The following TACC2 variants were observed in gnomAD, a reference collection of about 807,000 sequenced individuals.
TACC2 encodes transforming acidic coiled-coil-containing protein 2.
A neutral mutation model predicts 227.3 loss-of-function variants in TACC2; 137 were observed. The observed-to-expected ratio is 0.60, with a 90% CI of 0.52 to 0.69. TACC2 has a LOEUF of 0.69. Among genes scored for constraint, TACC2 ranks in the 30% least tolerant of loss-of-function variants. The pLI is 0.00. For missense variants in TACC2, 3,470 were observed against 3,694.4 expected (o/e 0.94, Z 1.57); for synonymous variants, 1,523 against 1,487.5 (o/e 1.02, Z -0.55).
At chr10:122,126,751 T>G (rs1050923719) in intron 5 of TACC2, 1 of 152,110 alleles carries the variant, frequency 6.6e-6, no homozygotes, top group African/African-American at 2.4e-5. Flanking sequence ...TTGAAGCACT[T>G]TGCTTGATTC....
At chr10:122,102,352 A>G (rs760302004) in intron 5 of TACC2, among the ~76,000 whole-genome samples, 1 of 152,124 alleles carries the variant, frequency 6.6e-6, no homozygotes, top group South Asian at 2.1e-4. Context: ...GATCAAACCA[A>G]CTCGGCTCTC....
chr10:122,190,719 CAT>C (rs1266573803), intron 7 of TACC2, among the ~76,000 whole-genome samples: 1 of 152,094 alleles, frequency 6.6e-6, no homozygotes, highest in African/African-American at 2.4e-5. Context: ...TGTGATGACT[CAT>C]GGGTGCATCT....
At chr10:122,234,420 C>A (rs939177286) in intron 16 of TACC2, among the ~76,000 whole-genome samples, 4 of 152,160 alleles carry the variant, frequency 2.6e-5, no homozygotes, top group Admixed American at 2.6e-4. Flanking sequence ...TTTTTTGGCC[C>A]CTCTAAAGTA....
rs780955004 is a variant in TACC2 at position 122,210,479 on chromosome 10, C to A, written c.6054C>A (p.His2018Gln). Residue 2018 changes from histidine to glutamine, a missense_variant, in exon 9 of 23, where the codon CAC (histidine) becomes CAA (glutamine). His to Gln is a conservative substitution (Grantham distance 24). This residue lies in a region of TACC2 where 593 missense variants were observed against 636.6 expected (regional missense o/e 0.93). Transcript: ENST00000369005. The surrounding 1 kb of genome is among the most constrained non-coding windows in gnomAD (Gnocchi z 4.6). Reference sequence around the variant, plus strand: ...GAAGTCCCTTCCGTCCCCCGTCACACTCCTTCTCTGCCGTCTTCGATGAAG... The same window carrying A: ...GAAGTCCCTTCCGTCCCCCGTCACAATCCTTCTCTGCCGTCTTCGATGAAG... ...VEGSPFRPPS[H>Q]SFSAVFDEDK... is the part of the protein sequence containing the mutation. 10 of 1,614,130 alleles carry A rather than the reference C, an allele frequency of 6.2e-6. No homozygotes were observed. The East Asian group carries it at 1.1e-4, about 18-fold the overall frequency.
At chr10:122,121,679 A>G (rs1288579090) in intron 5 of TACC2, among the ~76,000 whole-genome samples, 1 of 148,470 alleles carries the variant, frequency 6.7e-6, no homozygotes, top group Non-Finnish European at 1.5e-5. Context: ...GCAAAGCATC[A>G]CATTGTATCA....
chr10:122,248,901 C>A, intron 20 of TACC2, 98 bp downstream of exon 20: 1 of 1,552,280 alleles, frequency 6.4e-7, no homozygotes, highest in South Asian at 1.2e-5. Context: ...TGGTCTTGAG[C>A]CACCTGCGAG....
In TACC2 at chr10:122,056,132, G is replaced by C. The variant is rs185168061; in HGVS notation, c.146+5582G>C. Among the ~76,000 whole-genome samples the C allele has an allele frequency of 1.8e-4, 28 of 152,356 alleles. 1 individual carries two copies. Among genetic ancestry groups the C allele is most frequent in the East Asian group, 7.7e-4 (4 of 5,186 alleles). On this transcript the variant is annotated intron_variant, in intron 3 of 22. Transcript: ENST00000369005. ...TCTAGGCTTCGCCTCTGGGGAGTCT[G>C]ATGCAGCAGGTTTGTGGTGAGGCCT... is the stretch of plus-strand genomic sequence containing the variant.
chr10:122,014,633 G>C (rs1262032274), intron 1 of TACC2, among the ~76,000 whole-genome samples: 1 of 152,194 alleles, frequency 6.6e-6, no homozygotes, highest in Non-Finnish European at 1.5e-5. Flanking sequence ...TCTTCCACCT[G>C]CTCTGCCCAC....
chr10:122,084,788 G>A lies in TACC2; in HGVS notation c.2288G>A (p.Arg763His), dbSNP rs767385508. The A allele has an allele frequency of 1.5e-5, 24 of 1,613,480 alleles. 1 individual carries two copies. Among genetic ancestry groups the A allele is most frequent in the Admixed American group, 8.3e-5 (5 of 60,012 alleles). The part of the protein sequence containing the change: ...EGLLTSPDQP[R>H]GPACDASRQE... The stretch of plus-strand genomic sequence containing the variant: ...TTGCTGACGTCCCCAGATCAACCCC[G>A]CGGGCCGGCGTGTGATGCGTCGAGA... The change falls in exon 4 of 23, where the codon CGC becomes CAC. Residue 763 changes from arginine (R) to histidine (H), a missense_variant. Arg to His is a conservative substitution (Grantham distance 29). Coordinates refer to ENST00000369005, the MANE Select transcript of TACC2 (RefSeq NM_206862.4).
At chr10:122,220,421 A>G (rs1319422160) in intron 11 of TACC2, among the ~76,000 whole-genome samples, 1 of 152,230 alleles carries the variant, frequency 6.6e-6, no homozygotes, top group Non-Finnish European at 1.5e-5. Flanking sequence ...TAAAAAATCC[A>G]TTAATGTGAA....
intron 22 of TACC2, among the ~76,000 whole-genome samples, chr10:122,253,216 A>G (rs1404348610): frequency 6.6e-6 from 1 of 152,214 alleles, no homozygotes; most frequent in East Asian, 1.9e-4. Context: ...AGTATGCTGG[A>G]GGGATCCAGC....
At chr10:122,000,378 C>CA (rs200908665) in intron 1 of TACC2, among the ~76,000 whole-genome samples, 26 of 151,308 alleles carry the variant, frequency 1.7e-4, no homozygotes, top group African/African-American at 5.8e-4. Flanking sequence ...GGCTCTGTCT[C>CA]AAAAAAAAGA....
chr10:122,211,290 A>G lies in TACC2; in HGVS notation c.6865A>G (p.Ile2289Val), dbSNP rs921705233. The G allele has an allele frequency of 4.3e-6, 7 of 1,614,018 alleles. No individual in the cohort carries two copies. In the African/African-American group the frequency reaches 8.0e-5, roughly 18 times the overall value. Residue 2289 changes from isoleucine (I) to valine (V), a missense_variant, in exon 9 of 23, where the codon ATA becomes GTA. By Grantham distance (29) the Ile-to-Val change is conservative (BLOSUM62 3). Transcript: ENST00000369005. ...QQENPPPTKK[I>V]GKKPVAKMPL... ...GGAAAACCCCCCTCCTACCAAAAAG[A>G]TAGGCAAAAAGCCAGTTGCCAAAAT...
At chr10:122,164,144 G>T (rs142734080) in intron 7 of TACC2, 13,180 of 889,174 alleles carry the variant, frequency 0.015, 152 homozygotes, top group Non-Finnish European at 0.017. Context: ...ACCTGGGGCT[G>T]CTCTGGGAGG....
At chr10:122,040,312 C>G (rs1187788059) in intron 2 of TACC2, among the ~76,000 whole-genome samples, 1 of 152,130 alleles carries the variant, frequency 6.6e-6, no homozygotes. Flanking sequence ...TATGTGTGTC[C>G]CTCTCTGGGA....
chr10:122,018,771 G>A (rs1267938861), intron 1 of TACC2, among the ~76,000 whole-genome samples: 1 of 152,124 alleles, frequency 6.6e-6, no homozygotes, highest in Non-Finnish European at 1.5e-5. Context: ...ACGGCATTTT[G>A]TTTATCCATT....
intron 3 of TACC2, among the ~76,000 whole-genome samples, chr10:122,067,576 G>A (rs1231662495): frequency 1.4e-5 from 2 of 147,336 alleles, no homozygotes; most frequent in South Asian, 2.2e-4. Flanking sequence ...GCCTGATCTT[G>A]GCTCACTGCA....
At chr10:122,125,351 A>G (rs1486231827) in intron 5 of TACC2, among the ~76,000 whole-genome samples, 3 of 143,060 alleles carry the variant, frequency 2.1e-5, no homozygotes, top group Non-Finnish European at 4.6e-5. Context: ...GTGTGCCACC[A>G]TGCCCAGATA....
intron 5 of TACC2, among the ~76,000 whole-genome samples, chr10:122,122,323 C>G (rs2085984540): frequency 6.6e-6 from 1 of 152,042 alleles, no homozygotes; most frequent in African/African-American, 2.4e-5. Flanking sequence ...CCACTGTACT[C>G]CAGCCGGGGC....
Sources: gnomAD v4.1 joint callset for allele counts (sites outside exome capture counted in the v4.1 genomes callset) on GRCh38, gnomAD v4.1.1 for gene constraint, gnomAD v4.1.1 regional missense constraint, Gnocchi (gnomAD v3.1) non-coding constraint, MANE v1.5 for transcripts, NCBI Gene and HGNC (gene_info 2026-07-23, HGNC 2026-07-21) for gene names.